Variants in RAB2A observed in about 807,000 individuals in gnomAD.
The protein encoded by RAB2A is RAB2A, member RAS oncogene family.
RAB2A carries 7 observed loss-of-function variants against 32.5 expected under a neutral mutation model. The ratio of observed to expected loss-of-function variants is 0.22; its 90% CI spans 0.12 to 0.40. RAB2A has a LOEUF of 0.40. RAB2A is among the 10% of genes least tolerant of loss of function. The pLI, the probability that RAB2A is intolerant of heterozygous loss-of-function variation, is 1.00. For missense variants in RAB2A, 108 were observed against 260.7 expected, an observed-to-expected ratio of 0.41 and a Z score of 4.03; for synonymous variants, 79 against 85.2, an observed-to-expected ratio of 0.93 and a Z score of 0.40.
chr8:60,563,924 T>C (rs1808064887), intron 2 of RAB2A, among the ~76,000 whole-genome samples: 1 of 152,192 alleles, frequency 6.6e-6, no homozygotes. Context: ...TATCATAGTC[T>C]CGTGGCTAAA....
At chr8:60,617,596 G>A (rs544770273) in intron 6 of RAB2A, among the ~76,000 whole-genome samples, 29 of 151,858 alleles carry the variant, frequency 1.9e-4, no homozygotes, top group African/African-American at 6.5e-4. Flanking sequence ...TATACAATTC[G>A]TTAGCTGGGT....
chr8:60,555,016 A>C (rs1003285678), intron 1 of RAB2A, among the ~76,000 whole-genome samples: 2 of 152,258 alleles, frequency 1.3e-5, no homozygotes, highest in African/African-American at 2.4e-5. Context: ...GAATTAAGAC[A>C]TCAAGGAGAT....
intron 6 of RAB2A, among the ~76,000 whole-genome samples, chr8:60,610,665 C>T (rs1011777607): frequency 6.6e-6 from 1 of 152,194 alleles, no homozygotes; most frequent in Non-Finnish European, 1.5e-5. Context: ...GCATCAGCTT[C>T]TTCACCTCTA....
chr8:60,536,221 A>G (rs1411253806), intron 1 of RAB2A, among the ~76,000 whole-genome samples: 2 of 152,336 alleles, frequency 1.3e-5, no homozygotes, highest in Non-Finnish European at 2.9e-5. Context: ...TTAATTGTGT[A>G]TATTAACTGA....
chr8:60,617,536 G>A (rs1393624974), intron 6 of RAB2A, among the ~76,000 whole-genome samples: 1 of 151,970 alleles, frequency 6.6e-6, no homozygotes, highest in Non-Finnish European at 1.5e-5. Flanking sequence ...TGGTCATGAT[G>A]TTTTCTTTTG....
In RAB2A at chr8:60,517,366, T is replaced by G. The variant is rs545092719; in HGVS notation, c.46+113T>G. On this transcript the variant is annotated intron_variant, in intron 1 of 7. Coordinates refer to ENST00000262646, the MANE Select transcript of RAB2A (RefSeq NM_002865.3). ...CGGACTCCACCCGGCGCCTCCCTCC[T>G]GGCCGCGCCGCTCCATTTCCGCAGT... is the stretch of plus-strand genomic sequence containing the variant. The G allele has an allele frequency of 7.6e-4, 754 of 996,808 alleles. 5 individuals are homozygous for G. Among genetic ancestry groups the G allele is most frequent in the South Asian group, 9.7e-4 (43 of 44,104 alleles). The allele number at this position is 996,808 out of a possible 1,614,324, so 61.7% of individuals were successfully genotyped here. A position where few individuals can be genotyped will look rare whatever the true frequency, so the allele number is the denominator to read the frequency against.
At chr8:60,550,766 A>G (rs1807833580) in intron 1 of RAB2A, among the ~76,000 whole-genome samples, 1 of 152,154 alleles carries the variant, frequency 6.6e-6, no homozygotes, top group Non-Finnish European at 1.5e-5. Flanking sequence ...AAGTAAAATT[A>G]TATTACTTCT....
chr8:60,584,847 T>G (rs1175191431), intron 5 of RAB2A, 32 bp downstream of exon 5: 1 of 1,478,490 alleles, frequency 6.8e-7, no homozygotes, highest in East Asian at 2.3e-5. Context: ...TTACATTGCA[T>G]TAGTGATGAA....
chr8:60,550,486 G>A (rs542905180), intron 1 of RAB2A, among the ~76,000 whole-genome samples: 2 of 151,782 alleles, frequency 1.3e-5, no homozygotes, highest in African/African-American at 2.4e-5. Context: ...CCAGGTTCAA[G>A]CGATCCTCCC....
intron 1 of RAB2A, among the ~76,000 whole-genome samples, chr8:60,547,498 C>T (rs546462055): frequency 5.9e-5 from 9 of 151,788 alleles, no homozygotes; most frequent in Non-Finnish European, 7.4e-5. Flanking sequence ...CCTCACCTCC[C>T]GGACAGGGCA....
intron 6 of RAB2A, among the ~76,000 whole-genome samples, chr8:60,600,748 A>C (rs1035959804): frequency 3.9e-5 from 6 of 152,232 alleles, no homozygotes; most frequent in African/African-American, 1.2e-4. Context: ...GAAGGGGGAA[A>C]CTACAGATAC....
chr8:60,586,767 T>C (rs1803857052), intron 5 of RAB2A, among the ~76,000 whole-genome samples: 1 of 151,460 alleles, frequency 6.6e-6, no homozygotes. Context: ...AATAAAATAA[T>C]AATTAAAAAA....
At chr8:60,587,809 A>G (rs560405286) in intron 5 of RAB2A, among the ~76,000 whole-genome samples, 2 of 152,240 alleles carry the variant, frequency 1.3e-5, no homozygotes, top group African/African-American at 4.8e-5. Context: ...TGAAAAGACA[A>G]GCTACAGACT....
chr8:60,539,156 A>G (rs1471102313), intron 1 of RAB2A, among the ~76,000 whole-genome samples: 1 of 152,212 alleles, frequency 6.6e-6, no homozygotes, highest in African/African-American at 2.4e-5. Context: ...AAGCCAGTCC[A>G]CTGTGCAAGG....
At position 60,621,435 on chromosome 8, in the gene RAB2A, T is replaced by C. The variant is rs1201999103; in HGVS notation, c.*666T>C. 6.6e-6 allele frequency: 1 copy of C among 152,234 alleles called. No individual in the cohort carries two copies. Among genetic ancestry groups the C allele is most frequent in the African/African-American group, 2.4e-5 (1 of 41,458 alleles). 9.4% of individuals were successfully genotyped at this position (152,234 alleles called of 1,614,324 possible). On this transcript the variant is annotated 3_prime_UTR_variant, in exon 8 of 8. Coordinates refer to ENST00000262646, the MANE Select transcript of RAB2A (RefSeq NM_002865.3). ...ACTAGTCCAAGAAAAATATGCTTAA[T>C]GTATATTACAAAGGCTTTGTATATG...
At chr8:60,534,026 T>G (rs751391543) in intron 1 of RAB2A, among the ~76,000 whole-genome samples, 1 of 152,118 alleles carries the variant, frequency 6.6e-6, no homozygotes, top group African/African-American at 2.4e-5. Context: ...GGGCAGTCCC[T>G]GTGCTGGAGT....
chr8:60,537,586 T>C (rs1807577350), intron 1 of RAB2A, among the ~76,000 whole-genome samples: 1 of 152,252 alleles, frequency 6.6e-6, no homozygotes, highest in Non-Finnish European at 1.5e-5. Context: ...TAACTAGTTA[T>C]GGCTTACTGT....
In RAB2A at chr8:60,616,264, C is replaced by T. The variant is rs143629735; in HGVS notation, c.475-2316C>T. 4.9e-3 allele frequency among the ~76,000 whole-genome samples: 739 copies of T among 152,146 alleles called. 1 individual carries two copies. The highest frequency in any genetic ancestry group is 0.017 in the Middle Eastern group (5 of 294). On this transcript the variant is annotated intron_variant, in intron 6 of 7. Transcript: ENST00000262646. ...GCCTGTTTTTAAAGTGATTTATTAC[C>T]AGACGGGCAAAAAGGCAATTTTTAT... is the stretch of plus-strand genomic sequence containing the variant.
At chr8:60,598,293 T>C (rs1279042062) in intron 6 of RAB2A, among the ~76,000 whole-genome samples, 1 of 152,148 alleles carries the variant, frequency 6.6e-6, no homozygotes. Flanking sequence ...TAGGTCCAAA[T>C]GGTTTCACTG....
Sources: allele counts gnomAD v4.1 joint callset (sites outside exome capture counted in the v4.1 genomes callset), GRCh38; gene constraint gnomAD v4.1.1; transcripts MANE v1.5; gene names NCBI Gene and HGNC (gene_info 2026-07-23, HGNC 2026-07-21).